The following ROBO1 variants were observed in gnomAD, a reference collection of about 807,000 sequenced individuals.
ROBO1 encodes roundabout homolog 1.
Under a neutral mutation model 195.9 loss-of-function variants are expected in ROBO1, and 149 were observed. The ratio of observed to expected loss-of-function variants is 0.76; its 90% CI spans 0.67 to 0.87. The LOEUF (loss-of-function observed/expected upper bound fraction) is 0.87. ROBO1 is among the 40% of genes least tolerant of loss of function. The probability of loss-of-function intolerance (pLI) is 0.00; values close to 1 mark genes in which losing one functional copy is unlikely to be tolerated. For synonymous variants in ROBO1, 816 were observed against 733.2 expected (o/e 1.11, Z -1.82); for missense variants, 1,933 against 2,068.3 (o/e 0.93, Z 1.27).
chr3:79,235,507 A>G (rs2108863553), intron 2 of ROBO1, among the ~76,000 whole-genome samples: 2 of 152,036 alleles, frequency 1.3e-5, no homozygotes, highest in South Asian at 4.1e-4. Context: ...AATGTCATCC[A>G]AAGTCACACT....
At chr3:79,679,008 A>G (rs1946866085) in intron 1 of ROBO1, among the ~76,000 whole-genome samples, 1 of 152,068 alleles carries the variant, frequency 6.6e-6, no homozygotes, top group Non-Finnish European at 1.5e-5. Flanking sequence ...TACGCAAATA[A>G]TGTGTGAAAA....
chr3:78,835,506 C>G (rs141955555), intron 4 of ROBO1, among the ~76,000 whole-genome samples: 15 of 152,192 alleles, frequency 9.9e-5, no homozygotes, highest in Admixed American at 3.3e-4. Context: ...ACACAGTAGC[C>G]TATATTCTTC....
rs1038317284 is a variant in ROBO1, at chr3:79,740,210, T to C, written c.-51+27542A>G. On this transcript the variant is annotated intron_variant, in intron 1 of 30. Transcript: ENST00000464233. Reference sequence around the variant, plus strand: ...TGCATCCTCTGATAAAAAATATATATATTTATATATATAAATTTATATATA... The same window carrying C: ...TGCATCCTCTGATAAAAAATATATACATTTATATATATAAATTTATATATA... 2.4e-4 allele frequency among the ~76,000 whole-genome samples: 28 copies of C among 118,412 alleles called. 1 individual carries two copies. The highest frequency in any genetic ancestry group is 3.9e-3 in the Middle Eastern group (1 of 258). 77.7% of individuals were successfully genotyped at this position (118,412 alleles called of 152,430 possible).
intron 1 of ROBO1, among the ~76,000 whole-genome samples, chr3:79,717,429 C>T (rs554106229): frequency 9.7e-4 from 148 of 151,910 alleles, no homozygotes; most frequent in African/African-American, 3.4e-3. Flanking sequence ...AGTTTGTAGA[C>T]CCTGAACAAT....
At chr3:79,317,691 C>T (rs2033797155) in intron 2 of ROBO1, among the ~76,000 whole-genome samples, 1 of 152,112 alleles carries the variant, frequency 6.6e-6, no homozygotes, top group Non-Finnish European at 1.5e-5. Context: ...TAATACTCTT[C>T]TATCCCCACC....
intron 2 of ROBO1, among the ~76,000 whole-genome samples, chr3:79,190,641 T>G (rs2081524108): frequency 6.6e-6 from 1 of 151,670 alleles, no homozygotes; most frequent in African/African-American, 2.4e-5. Context: ...TTTCCTCCCC[T>G]GAAGACCTTC....
chr3:78,929,778 T>C (rs1452721320), intron 4 of ROBO1, among the ~76,000 whole-genome samples: 1 of 152,050 alleles, frequency 6.6e-6, no homozygotes, highest in African/African-American at 2.4e-5. Context: ...CTGCTGGGAT[T>C]ACAGGTATGA....
Position 78,765,268 on chromosome 3 carries a change from T to C in ROBO1, c.500-18368A>G, listed in dbSNP as rs1016715602. Among the ~76,000 whole-genome samples the C allele has an allele frequency of 1.1e-4, 16 of 152,160 alleles. No homozygotes were observed. In the East Asian group the frequency reaches 3.1e-3, roughly 29 times the overall value. On this transcript the variant is annotated intron_variant, in intron 4 of 30. Coordinates refer to ENST00000464233, the MANE Select transcript of ROBO1 (RefSeq NM_002941.4). ...TTGGAACTGGGTCCACCCTAAAGTT[T>C]TGATTATATTTACAAGACAGAACAT...
intron 8 of ROBO1, among the ~76,000 whole-genome samples, chr3:78,703,499 C>CT (rs567868396): frequency 6.5e-4 from 99 of 152,026 alleles, no homozygotes; most frequent in Middle Eastern, 3.4e-3. Flanking sequence ...TTTTGGTTTT[C>CT]TTTTTACCAT....
intron 2 of ROBO1, among the ~76,000 whole-genome samples, chr3:79,499,033 C>T (rs1324908514): frequency 1.3e-5 from 2 of 152,076 alleles, no homozygotes; most frequent in East Asian, 1.9e-4. Context: ...TTGCTTTTGT[C>T]GCCCAGGCTG....
intron 2 of ROBO1, among the ~76,000 whole-genome samples, chr3:79,518,616 C>T (rs1023458735): frequency 1.2e-4 from 18 of 151,968 alleles, no homozygotes; most frequent in South Asian, 6.2e-4. Flanking sequence ...AGAACATAAA[C>T]GAAAATGTAA....
intron 3 of ROBO1, among the ~76,000 whole-genome samples, chr3:78,969,369 A>G (rs1479488130): frequency 6.6e-6 from 1 of 152,212 alleles, no homozygotes; most frequent in Non-Finnish European, 1.5e-5. Context: ...AAACAAAAAG[A>G]ATACTTAACT....
At chr3:78,955,987 G>A (rs892426099) in intron 3 of ROBO1, among the ~76,000 whole-genome samples, 2 of 151,810 alleles carry the variant, frequency 1.3e-5, no homozygotes, top group African/African-American at 2.4e-5. Flanking sequence ...ATTATATCTT[G>A]GCTTTAGCTC....
At chr3:79,664,472 T>A (rs572486841) in intron 1 of ROBO1, among the ~76,000 whole-genome samples, 1 of 152,192 alleles carries the variant, frequency 6.6e-6, no homozygotes, top group African/African-American at 2.4e-5. Flanking sequence ...CTGGATGCCT[T>A]GTCCTACATC....
At chr3:79,555,138 G>A (rs577188931) in intron 2 of ROBO1, among the ~76,000 whole-genome samples, 2 of 152,102 alleles carry the variant, frequency 1.3e-5, no homozygotes, top group South Asian at 4.1e-4. Context: ...CAGGTAATTT[G>A]CTACTAATTA....
intron 5 of ROBO1, among the ~76,000 whole-genome samples, chr3:78,746,027 A>C (rs2082648747): frequency 6.6e-6 from 1 of 152,210 alleles, no homozygotes; most frequent in Admixed American, 6.5e-5. Context: ...AGAATCGTAA[A>C]GGGAAATATT....
intron 2 of ROBO1, among the ~76,000 whole-genome samples, chr3:79,499,438 G>A (rs1939934804): frequency 1.3e-5 from 2 of 152,040 alleles, no homozygotes; most frequent in Non-Finnish European, 2.9e-5. Flanking sequence ...TAATACATAA[G>A]ACAATTAGTC....
At chr3:78,705,937 T>G (rs2081540774) in intron 8 of ROBO1, among the ~76,000 whole-genome samples, 1 of 152,116 alleles carries the variant, frequency 6.6e-6, no homozygotes, top group South Asian at 2.1e-4. Flanking sequence ...AAATCTCTTC[T>G]TATTATCTCT....
At chr3:79,134,947 G>A (rs1190245773) in intron 2 of ROBO1, among the ~76,000 whole-genome samples, 2 of 138,216 alleles carry the variant, frequency 1.4e-5, no homozygotes, top group African/African-American at 5.5e-5. Context: ...TAGATGACAC[G>A]TTAGTGGGTG....
Sources: gnomAD v4.1 joint callset for allele counts (sites outside exome capture counted in the v4.1 genomes callset) on GRCh38, gnomAD v4.1.1 for gene constraint, MANE v1.5 for transcripts, NCBI Gene and HGNC (gene_info 2026-07-23, HGNC 2026-07-21) for gene names.